CNTNAP3: variants seen among roughly 807,000 people sequenced by gnomAD.
CNTNAP3 encodes contactin associated protein family member 3.
CNTNAP3 carries 36 observed loss-of-function variants against 92.1 expected under a neutral mutation model. That is an observed-to-expected ratio of 0.39 (90% CI 0.30 to 0.52). The LOEUF is 0.52. Ranked by LOEUF, CNTNAP3 falls within the 20% of genes least tolerant of loss-of-function variation. CNTNAP3 has a pLI of 0.76. For synonymous variants in CNTNAP3, 232 were observed against 422.3 expected (o/e 0.55, Z 5.53); for missense variants, 534 against 1,069.6 (o/e 0.50, Z 6.98).
chr9:39,153,844 C>T lies in CNTNAP3; in HGVS notation c.1478-3867G>A, dbSNP rs1165194952. 1.4e-5 allele frequency among the ~76,000 whole-genome samples: 2 copies of T among 143,314 alleles called. 1 individual carries two copies. Among genetic ancestry groups the T allele is most frequent in the African/African-American group, 5.4e-5 (2 of 37,316 alleles). 94.0% of individuals were successfully genotyped at this position (143,314 alleles called of 152,430 possible). A position where few individuals can be genotyped will look rare whatever the true frequency, so the allele number is the denominator to read the frequency against. ...AAAGTGCTGGGATTACAGGTGAGAG[C>T]CACCGCGTCTGGCCTAAACTTTCTA... On this transcript the variant is annotated intron_variant, in intron 9 of 23. Coordinates refer to ENST00000297668, the MANE Select transcript of CNTNAP3 (RefSeq NM_033655.5).
rs535658020 is a variant in CNTNAP3, at chr9:39,118,841, A to T, written c.2081-582T>A. Among the ~76,000 whole-genome samples the T allele has an allele frequency of 2.8e-4, 42 of 152,368 alleles. No individual in the cohort carries two copies. In the East Asian group the frequency reaches 6.9e-3, roughly 25 times the overall value. On this transcript the variant is annotated intron_variant, in intron 13 of 23. Transcript: ENST00000297668. Reference sequence around the variant, plus strand: ...AGGCTTTTCTCATCTCTGAGGTTAGAGATTTCTCATGCGAAGAAACAAAGT... The same window carrying T: ...AGGCTTTTCTCATCTCTGAGGTTAGTGATTTCTCATGCGAAGAAACAAAGT...
At chr9:39,146,581 C>T (rs1283571914) in intron 10 of CNTNAP3, among the ~76,000 whole-genome samples, 5 of 152,040 alleles carry the variant, frequency 3.3e-5, no homozygotes, top group Non-Finnish European at 7.4e-5. Context: ...TCCAGCTACT[C>T]GGGAGGCTGA....
intron 13 of CNTNAP3, among the ~76,000 whole-genome samples, chr9:39,129,986 A>T (rs937304916): frequency 6.6e-6 from 1 of 152,240 alleles, no homozygotes; most frequent in Non-Finnish European, 1.5e-5. Flanking sequence ...TAAATAAAAA[A>T]TAGTCACAAC....
intron 18 of CNTNAP3, among the ~76,000 whole-genome samples, chr9:39,098,488 T>A (rs1383822476): frequency 6.6e-6 from 1 of 152,168 alleles, no homozygotes; most frequent in Admixed American, 6.5e-5. Context: ...CCATTTTCCA[T>A]TTACTTACTA....
In CNTNAP3 at chr9:39,068,920, T is replaced by A. The variant is rs940262557; in HGVS notation, c.*4970A>T. Among the ~76,000 whole-genome samples the A allele has an allele frequency of 1.3e-5, 2 of 152,310 alleles. No individual in the cohort carries two copies. Among genetic ancestry groups the A allele is most frequent in the African/African-American group, 2.4e-5 (1 of 41,488 alleles). ...ATATTTTGTCTGGTTTGAGGTTGTT[T>A]CATGCAGGAGGGTTAGAGGGTAAAT... On this transcript the variant is annotated 3_prime_UTR_variant, in exon 24 of 24. Coordinates refer to ENST00000297668, the MANE Select transcript of CNTNAP3 (RefSeq NM_033655.5).
chr9:39,107,271 A>G (rs1826629241), intron 15 of CNTNAP3, among the ~76,000 whole-genome samples: 1 of 151,240 alleles, frequency 6.6e-6, no homozygotes, highest in Non-Finnish European at 1.5e-5. Context: ...AAGAAAGAAA[A>G]GAAAGAGAGA....
At chr9:39,108,790 G>C (rs909401030) in intron 15 of CNTNAP3, among the ~76,000 whole-genome samples, 1 of 152,090 alleles carries the variant, frequency 6.6e-6, no homozygotes, top group African/African-American at 2.4e-5. Context: ...AATAGAGAGT[G>C]TCCAATAATT....
chr9:39,101,436 A>C (rs2990119), intron 17 of CNTNAP3, among the ~76,000 whole-genome samples: 10 of 146,574 alleles, frequency 6.8e-5, no homozygotes, highest in South Asian at 2.2e-4. Context: ...GTAGCTCCTA[A>C]GTTAGAATAG....
intron 19 of CNTNAP3, among the ~76,000 whole-genome samples, chr9:39,088,134 T>A (rs988107192): frequency 6.6e-6 from 1 of 152,030 alleles, no homozygotes; most frequent in Non-Finnish European, 1.5e-5. Context: ...CAAAACCAAT[T>A]TGAGTCATCA....
Position 39,148,199 on chromosome 9 carries a change from A to G in CNTNAP3, c.1649+1607T>C, listed in dbSNP as rs367753350. Among the ~76,000 whole-genome samples the G allele has an allele frequency of 4.1e-4, 62 of 152,192 alleles. 1 individual carries two copies. The East Asian group carries it at 0.01, about 26-fold the overall frequency. On this transcript the variant is annotated intron_variant, in intron 10 of 23. Transcript: ENST00000297668. Reference sequence around the variant, plus strand: ...GTCCCAGCTGTGTGCCAAGAATTCAAATCTCAAGGTCAAGAATGAGAGGTA... The same window carrying G: ...GTCCCAGCTGTGTGCCAAGAATTCAGATCTCAAGGTCAAGAATGAGAGGTA...
At chr9:39,134,841 G>T (rs1485541565) in intron 12 of CNTNAP3, among the ~76,000 whole-genome samples, 1 of 152,210 alleles carries the variant, frequency 6.6e-6, no homozygotes, top group Non-Finnish European at 1.5e-5. Context: ...ACACTAAGTT[G>T]GGCATTGAAG....
intron 13 of CNTNAP3, among the ~76,000 whole-genome samples, chr9:39,128,362 AAC>A (rs1477355103): frequency 6.6e-6 from 1 of 152,132 alleles, no homozygotes. Context: ...TAATAAATGA[AAC>A]ACATTAGAAA....
At chr9:39,161,534 T>C (rs1465880770) in intron 9 of CNTNAP3, among the ~76,000 whole-genome samples, 1 of 58,774 alleles carries the variant, frequency 1.7e-5, no homozygotes, top group Admixed American at 1.9e-4. Context: ...ATGTAAAACG[T>C]GTCAGGTGCA....
intron 16 of CNTNAP3, 54 bp from the exon 17 acceptor site, chr9:39,102,769 T>C: frequency 4.5e-6 from 3 of 664,140 alleles, no homozygotes; most frequent in Middle Eastern, 4.2e-4. Flanking sequence ...AAATTGAGTC[T>C]TGTGCAGACA....
intron 12 of CNTNAP3, among the ~76,000 whole-genome samples, chr9:39,134,430 T>G (rs1587725414): frequency 1.3e-5 from 2 of 151,072 alleles, no homozygotes; most frequent in East Asian, 3.9e-4. Context: ...TTTATTTAAT[T>G]TATTTATTTT....
Position 39,118,237 on chromosome 9 carries a change from C to G in CNTNAP3, c.2103G>C (p.Trp701Cys). 1 of 1,612,034 alleles carries G rather than the reference C, an allele frequency of 6.2e-7. No individual in the cohort carries two copies. The highest frequency in any genetic ancestry group is 1.1e-5 in the South Asian group (1 of 90,688). The change falls in exon 14 of 24, where the codon TGG becomes TGC. Residue 701 changes from tryptophan to cysteine, a missense_variant. Trp to Cys is a radical substitution (Grantham distance 215, BLOSUM62 -2). Coordinates refer to ENST00000297668, the MANE Select transcript of CNTNAP3 (RefSeq NM_033655.5). ...DSRDGTPLSW[W>C]VGRTNETHTS... ...TGTGTGTTTCATTGGTTCTTCCAAC[C>G]CACCAGCTCAGTGGGGTTCCATCTG...
At chr9:39,103,208 G>A (rs1369668825) in intron 16 of CNTNAP3, among the ~76,000 whole-genome samples, 3 of 152,296 alleles carry the variant, frequency 2.0e-5, no homozygotes, top group Admixed American at 6.5e-5. Context: ...CTCTGGCTCT[G>A]CTGTTCTGTA....
chr9:39,104,475 CAT>C (rs1280090464), intron 15 of CNTNAP3, among the ~76,000 whole-genome samples: 40 of 120,504 alleles, frequency 3.3e-4, no homozygotes, highest in South Asian at 5.7e-4. Flanking sequence ...TGCACATACA[CAT>C]ACACACACAC....
intron 13 of CNTNAP3, among the ~76,000 whole-genome samples, 162 bp from the exon 14 acceptor site, chr9:39,118,421 A>C (rs2778187): frequency 4.8e-4 from 73 of 152,142 alleles, no homozygotes; most frequent in African/African-American, 1.6e-3. Flanking sequence ...TGAAACGTTT[A>C]TTTAAGCCTA....
Sources: gnomAD v4.1 joint callset for allele counts (sites outside exome capture counted in the v4.1 genomes callset) on GRCh38, gnomAD v4.1.1 for gene constraint, MANE v1.5 for transcripts, NCBI Gene and HGNC (gene_info 2026-07-23, HGNC 2026-07-21) for gene names.